SOX5: variants seen among roughly 807,000 people sequenced by gnomAD.
SOX5 encodes the protein transcription factor SOX-5.
In SOX5, 9 loss-of-function variants were observed where a neutral mutation model predicts 92.0. The ratio of observed to expected loss-of-function variants is 0.10; its 90% confidence interval spans 0.06 to 0.17. The LOEUF is 0.17. Ranked by LOEUF, SOX5 falls within the 10% of genes least tolerant of loss-of-function variation. The pLI, the probability that SOX5 is intolerant of heterozygous loss-of-function variation, is 1.00. For synonymous variants in SOX5, 344 were observed against 336.3 expected (o/e 1.02, Z -0.25); for missense variants, 642 against 944.5 (o/e 0.68, Z 4.20).
intron 10 of SOX5, among the ~76,000 whole-genome samples, chr12:23,567,881 C>T (rs911035099): frequency 6.6e-6 from 1 of 151,972 alleles, no homozygotes; most frequent in Non-Finnish European, 1.5e-5. Flanking sequence ...AAAGAAGGGA[C>T]AAACTAGAAA....
At chr12:24,456,241 T>A (rs1371013265) in intron 1 of SOX5, among the ~76,000 whole-genome samples, 1 of 152,200 alleles carries the variant, frequency 6.6e-6, no homozygotes, top group East Asian at 1.9e-4. Flanking sequence ...AAAATCTAGT[T>A]AGTCCCAGGA....
At chr12:24,275,428 A>G (rs565688843) in intron 3 of SOX5, among the ~76,000 whole-genome samples, 2 of 152,056 alleles carry the variant, frequency 1.3e-5, no homozygotes, top group East Asian at 3.9e-4. Context: ...TTTTAATTTA[A>G]CATTGCATTA....
chr12:23,566,644 A>C (rs1253983571), intron 10 of SOX5, among the ~76,000 whole-genome samples: 2 of 152,208 alleles, frequency 1.3e-5, no homozygotes, highest in Non-Finnish European at 2.9e-5. Flanking sequence ...TAGGTATATA[A>C]ATTACACAAG....
At chr12:24,489,998 A>T (rs2137946765) in intron 1 of SOX5, among the ~76,000 whole-genome samples, 1 of 152,338 alleles carries the variant, frequency 6.6e-6, no homozygotes, top group Middle Eastern at 3.4e-3. Context: ...CTGCCCACAG[A>T]TACAGAAGGC....
intron 4 of SOX5, among the ~76,000 whole-genome samples, chr12:23,983,402 T>C (rs916657690): frequency 2.0e-5 from 3 of 152,182 alleles, no homozygotes; most frequent in Non-Finnish European, 4.4e-5. Flanking sequence ...TGTGCCATTC[T>C]GTATAGTGGG....
At chr12:24,429,043 C>A (rs1247577990) in intron 1 of SOX5, among the ~76,000 whole-genome samples, 1 of 151,536 alleles carries the variant, frequency 6.6e-6, no homozygotes, top group Non-Finnish European at 1.5e-5. Flanking sequence ...TATGGCCGGG[C>A]GCGGTGGCTC....
chr12:23,773,779 A>G (rs983963554), intron 3 of SOX5, among the ~76,000 whole-genome samples: 4 of 152,194 alleles, frequency 2.6e-5, no homozygotes, highest in Admixed American at 2.6e-4. Context: ...ACACCAGTCA[A>G]AAAAATCAAT....
At chr12:24,537,150 TG>T (rs1184064076) in intron 1 of SOX5, among the ~76,000 whole-genome samples, 1 of 152,210 alleles carries the variant, frequency 6.6e-6, no homozygotes, top group African/African-American at 2.4e-5. Context: ...TGCTCTTTAT[TG>T]AATAAATAAC....
intron 4 of SOX5, among the ~76,000 whole-genome samples, chr12:24,136,947 T>G (rs774323601): frequency 1.3e-5 from 2 of 152,226 alleles, no homozygotes; most frequent in Admixed American, 6.5e-5. Flanking sequence ...CTTTTAGACC[T>G]GTTCTCACCC....
At chr12:23,651,940 C>T (rs942746889) in intron 7 of SOX5, among the ~76,000 whole-genome samples, 1 of 151,766 alleles carries the variant, frequency 6.6e-6, no homozygotes, top group Admixed American at 6.6e-5. Flanking sequence ...CAAATACCAA[C>T]ATAAGCAATT....
chr12:23,762,041 G>A (rs76062328), intron 3 of SOX5, among the ~76,000 whole-genome samples: 2,749 of 152,186 alleles, frequency 0.018, 85 homozygotes, highest in African/African-American at 0.063. Context: ...ATATCAGTAA[G>A]AGTTCAATTC....
At chr12:24,225,888 G>A (rs1296437712) in intron 3 of SOX5, among the ~76,000 whole-genome samples, 3 of 152,182 alleles carry the variant, frequency 2.0e-5, no homozygotes, top group Non-Finnish European at 2.9e-5. Flanking sequence ...CGCCAAAAGG[G>A]ATGGTAGGAG....
intron 2 of SOX5, among the ~76,000 whole-genome samples, chr12:24,292,711 C>T (rs1180447168): frequency 2.6e-5 from 4 of 152,216 alleles, no homozygotes; most frequent in Non-Finnish European, 2.9e-5. Flanking sequence ...ATCTTTACAA[C>T]TGGATTTTGG....
chr12:23,642,833 A>C (rs1019404980), intron 7 of SOX5, among the ~76,000 whole-genome samples: 1 of 111,406 alleles, frequency 9.0e-6, no homozygotes, highest in African/African-American at 2.7e-5. Flanking sequence ...CACGCCTGTA[A>C]TCCCAGCACT....
chr12:23,802,602 A>G (rs572009985), intron 3 of SOX5, among the ~76,000 whole-genome samples: 2 of 152,102 alleles, frequency 1.3e-5, no homozygotes, highest in African/African-American at 2.4e-5. Flanking sequence ...ATTATCCTCA[A>G]TACGGAATTG....
chr12:23,601,609 A>G (rs951252523), intron 9 of SOX5, among the ~76,000 whole-genome samples: 1 of 152,214 alleles, frequency 6.6e-6, no homozygotes, highest in African/African-American at 2.4e-5. Context: ...TAAAAACATA[A>G]ATATGATAAT....
At chr12:24,501,857 A>T (rs1022853468) in intron 1 of SOX5, among the ~76,000 whole-genome samples, 27 of 152,204 alleles carry the variant, frequency 1.8e-4, no homozygotes, top group African/African-American at 6.5e-4. Flanking sequence ...AAATTTCCTC[A>T]CTGACACTGT....
intron 2 of SOX5, among the ~76,000 whole-genome samples, chr12:23,862,707 A>G (rs1400539353): frequency 6.6e-6 from 1 of 152,182 alleles, no homozygotes; most frequent in African/African-American, 2.4e-5. Flanking sequence ...ACAAAAATAA[A>G]TGAAGATTTA....
At chr12:24,142,245 TCTC>T (rs985472073) in intron 4 of SOX5, among the ~76,000 whole-genome samples, 1 of 152,054 alleles carries the variant, frequency 6.6e-6, no homozygotes, top group Non-Finnish European at 1.5e-5. Context: ...CACTCCCGCT[TCTC>T]CTCAACTTTC....
Sources: gnomAD v4.1 joint callset for allele counts (sites outside exome capture counted in the v4.1 genomes callset) on GRCh38, gnomAD v4.1.1 for gene constraint, MANE v1.5 for transcripts, NCBI Gene and HGNC (gene_info 2026-07-23, HGNC 2026-07-21) for gene names.